LLGL2: variants seen among roughly 807,000 people sequenced by gnomAD.
LLGL2 encodes LLGL2, scribble cell polarity complex component.
LLGL2 carries 81 observed loss-of-function variants against 123.2 expected under a neutral mutation model. The observed-to-expected ratio is 0.66, with a 90% confidence interval of 0.55 to 0.79. LLGL2 has a LOEUF of 0.79. Among genes scored for constraint, LLGL2 ranks in the 30% least tolerant of loss-of-function variants. LLGL2 has a pLI of 0.00. For synonymous variants in LLGL2, 577 were observed against 594.1 expected (o/e 0.97, Z 0.42); for missense variants, 1,273 against 1,414.6 (o/e 0.90, Z 1.61).
chr17:75,571,299 T>C lies in LLGL2; in HGVS notation c.2176+199T>C, dbSNP rs1048428341. The C allele has an allele frequency of 8.3e-6, 5 of 601,220 alleles. No individual in the cohort carries two copies. The African/African-American group carries it at 9.3e-5, about 11-fold the overall frequency. The allele number at this position is 601,220 out of a possible 1,614,324, so 37.2% of individuals were successfully genotyped here. A position where few individuals can be genotyped will look rare whatever the true frequency, so the allele number is the denominator to read the frequency against. ...CCTCTGAGTCAGCTTCCCTTGGCTT[T>C]ATATCCAGGCCGTAGCACCCTTTAG... On this transcript the variant is annotated intron_variant, in intron 17 of 25. Coordinates refer to ENST00000392550, the MANE Select transcript of LLGL2 (RefSeq NM_001031803.2).
intron 10 of LLGL2, chr17:75,568,176 G>C: frequency 7.6e-7 from 1 of 1,307,700 alleles, no homozygotes; most frequent in Non-Finnish European, 9.7e-7. Context: ...CAGGGAAGAG[G>C]GTTGGCAGGC....
rs895896921 is a variant in LLGL2, at chr17:75,530,087, A to G, written c.-31+4262A>G. On this transcript the variant is annotated intron_variant, in intron 1 of 25. Transcript: ENST00000392550. The stretch of plus-strand genomic sequence containing the variant: ...AGGGTGGACTCAACTTCCATGAAGC[A>G]TAAGAGGCATCCGTCTGTCCCAGGC... Among the ~76,000 whole-genome samples, 5 of 152,336 alleles carry G rather than the reference A, an allele frequency of 3.3e-5. No homozygotes were observed. The East Asian group carries it at 5.8e-4, about 18-fold the overall frequency.
chr17:75,531,376 T>C (rs1473788739), intron 1 of LLGL2, among the ~76,000 whole-genome samples: 1 of 152,146 alleles, frequency 6.6e-6, no homozygotes, highest in Non-Finnish European at 1.5e-5. Flanking sequence ...TCCTGGTCTT[T>C]CCAGATGAGT....
intron 10 of LLGL2, among the ~76,000 whole-genome samples, chr17:75,566,497 A>C (rs966023950): frequency 3.3e-5 from 5 of 152,284 alleles, no homozygotes; most frequent in African/African-American, 1.2e-4. Flanking sequence ...GGGCTCACAG[A>C]CTGTTGCTAT....
intron 1 of LLGL2, among the ~76,000 whole-genome samples, chr17:75,535,109 C>T (rs574198217): frequency 3.3e-5 from 5 of 152,196 alleles, no homozygotes; most frequent in African/African-American, 7.2e-5. Context: ...ACTTGCAAAG[C>T]GGCTACAGGC....
At chr17:75,534,355 A>G (rs1028374641) in intron 1 of LLGL2, among the ~76,000 whole-genome samples, 1 of 152,062 alleles carries the variant, frequency 6.6e-6, no homozygotes, top group Non-Finnish European at 1.5e-5. Flanking sequence ...TGGTGGGGGG[A>G]ATGGAGGCTG....
In LLGL2 at chr17:75,559,936, T is replaced by A. The variant is rs1598600440; in HGVS notation, c.530+526T>A. ...ACATTAGAGAGGGAGTTGGATCAGG[T>A]CCGGGTGGGAGAAGGGGACGGGGCC... is the stretch of plus-strand genomic sequence containing the variant. On this transcript the variant is annotated intron_variant, in intron 6 of 25. Transcript: ENST00000392550. The surrounding 1 kb of genome is among the most constrained non-coding windows in gnomAD (Gnocchi z 4.6). 6.6e-6 allele frequency among the ~76,000 whole-genome samples: 1 copy of A among 152,160 alleles called. No homozygotes were observed. Among genetic ancestry groups the A allele is most frequent in the Admixed American group, 6.5e-5 (1 of 15,268 alleles).
rs761529667 is a variant in LLGL2 at position 75,573,197 on chromosome 17, A to G, written c.2644A>G (p.Lys882Glu). Residue 882 changes from lysine to glutamate, a missense_variant, in exon 20 of 26, where the codon AAG (lysine) becomes GAG (glutamate). Coordinates refer to ENST00000392550, the MANE Select transcript of LLGL2 (RefSeq NM_001031803.2). Reference protein sequence around the residue: ...DIQVVSLPLLKPQVRYSCIRR... With the variant: ...DIQVVSLPLLEPQVRYSCIRR... Reference sequence around the variant, plus strand: ...CCAGGTGGTCTCGCTGCCCCTGCTCAAGCCCCAGGTGCGCTACAGCTGCAT... The same window carrying G: ...CCAGGTGGTCTCGCTGCCCCTGCTCGAGCCCCAGGTGCGCTACAGCTGCAT... 8.1e-6 allele frequency: 13 copies of G among 1,612,746 alleles called. No homozygotes were observed. The highest frequency in any genetic ancestry group is 9.3e-6 in the Non-Finnish European group (11 of 1,179,814).
chr17:75,540,380 T>C (rs533447071), intron 1 of LLGL2, among the ~76,000 whole-genome samples: 1 of 152,258 alleles, frequency 6.6e-6, no homozygotes, highest in Non-Finnish European at 1.5e-5. Flanking sequence ...AGTGGGTTGA[T>C]TGGAGTGAGG....
intron 1 of LLGL2, among the ~76,000 whole-genome samples, chr17:75,537,421 C>T (rs1280742419): frequency 1.3e-5 from 2 of 152,068 alleles, no homozygotes; most frequent in Non-Finnish European, 2.9e-5. Context: ...AGGCTGGGTG[C>T]GGTGGCTCAC....
intron 2 of LLGL2, among the ~76,000 whole-genome samples, chr17:75,551,736 T>G (rs1278542661): frequency 6.6e-6 from 1 of 152,220 alleles, no homozygotes; most frequent in Non-Finnish European, 1.5e-5. Flanking sequence ...TGTGCGGAAT[T>G]GTCGAGGCCA....
chr17:75,570,215 G>C lies in LLGL2; in HGVS notation c.1834G>C (p.Gly612Arg), dbSNP rs1281601040. 6.3e-7 allele frequency: 1 copy of C among 1,599,958 alleles called. No individual in the cohort carries two copies. The highest frequency in any genetic ancestry group is 8.5e-7 in the Non-Finnish European group (1 of 1,174,800). ...GGCCTTCGGCACCAGCCATGGCTTTGGCCTCTTTGACCACCAGCAGCGGCG... is the reference window on the plus strand; with the variant it reads ...GGCCTTCGGCACCAGCCATGGCTTTCGCCTCTTTGACCACCAGCAGCGGCG... ...LVAFGTSHGF[G>R]LFDHQQRRQV... The change falls in exon 15 of 26, where the codon GGC becomes CGC. Residue 612 changes from glycine (G) to arginine (R), a missense_variant. Coordinates refer to ENST00000392550, the MANE Select transcript of LLGL2 (RefSeq NM_001031803.2).
At chr17:75,538,596 A>C (rs908060587) in intron 1 of LLGL2, 3 of 152,160 alleles carry the variant, frequency 2.0e-5, no homozygotes, top group Non-Finnish European at 4.4e-5. Flanking sequence ...AAAGGTCTTG[A>C]ATGGGAAAAA....
chr17:75,553,978 A>T (rs11651803), intron 2 of LLGL2, among the ~76,000 whole-genome samples: 1 of 151,946 alleles, frequency 6.6e-6, no homozygotes, highest in Non-Finnish European at 1.5e-5. Context: ...TAGGATATCT[A>T]CAGGTAAAGA....
In LLGL2 at chr17:75,574,211, A is replaced by G; in HGVS notation, c.2906-2A>G. ...CGCCCTGACCCGGCCTCTACCTTCC[A>G]GAGAAGCAGCCCGGCCTGGTGATGG... is the stretch of plus-strand genomic sequence containing the variant. On this transcript the variant is annotated splice_acceptor_variant, in intron 22 of 25. Coordinates refer to ENST00000392550, the MANE Select transcript of LLGL2 (RefSeq NM_001031803.2). LOFTEE classifies it high-confidence loss of function. The G allele has an allele frequency of 2.6e-6, 4 of 1,520,038 alleles. No individual in the cohort carries two copies. Among genetic ancestry groups the G allele is most frequent in the Middle Eastern group, 1.7e-4 (1 of 5,758 alleles). The allele number at this position is 1,520,038 out of a possible 1,614,324, so 94.2% of individuals were successfully genotyped here. A position where few individuals can be genotyped will look rare whatever the true frequency, so the allele number is the denominator to read the frequency against.
At chr17:75,560,526 C>G (rs1671031) in intron 6 of LLGL2, among the ~76,000 whole-genome samples, 74,111 of 151,822 alleles carry the variant, frequency 0.49, 21,823 homozygotes, top group African/African-American at 0.84. Flanking sequence ...CACTCTTGTT[C>G]CCCAGGCTAG....
Position 75,570,074 on chromosome 17 carries a change from G to C in LLGL2, c.1693G>C (p.Ala565Pro). 6.2e-7 allele frequency: 1 copy of C among 1,612,170 alleles called. No homozygotes were observed. The highest frequency in any genetic ancestry group is 8.5e-7 in the Non-Finnish European group (1 of 1,179,604). The part of the protein sequence containing the change: ...GYRWKGHERL[A>P]ARSGPVRFEP... ...CCGCTGGAAGGGGCACGAGCGCCTG[G>C]CAGCCCGCTCAGGGCCCGTGCGCTT... The change falls in exon 15 of 26, where the codon GCA becomes CCA. Residue 565 changes from alanine (A) to proline (P), a missense_variant. By Grantham distance (27) the Ala-to-Pro change is conservative. Transcript: ENST00000392550.
intron 1 of LLGL2, among the ~76,000 whole-genome samples, chr17:75,536,606 G>A (rs1206996775): frequency 6.6e-6 from 1 of 152,082 alleles, no homozygotes. Flanking sequence ...CCACCCTCCC[G>A]CCTGACCATG....
In LLGL2 at chr17:75,573,037, T is replaced by C. The variant is rs767502643; in HGVS notation, c.2484T>C (p.Ser828=). ...AGGTGTTCACGCTGCCCAAGGTGAGTGCCAAGCTGAAGTTGAAGCTGACGG... is the reference window on the plus strand; with the variant it reads ...AGGTGTTCACGCTGCCCAAGGTGAGCGCCAAGCTGAAGTTGAAGCTGACGG... ...QFKVFTLPKV[S]AKLKLKLTAL... is the part of the protein sequence containing the mutation. The change falls in exon 20 of 26, where the codon AGT becomes AGC. Residue 828 remains serine, a synonymous_variant. Transcript: ENST00000392550. The C allele has an allele frequency of 9.9e-6, 16 of 1,610,812 alleles. No individual in the cohort carries two copies. The highest frequency in any genetic ancestry group is 1.3e-5 in the Non-Finnish European group (15 of 1,178,332).
Sources: allele counts gnomAD v4.1 joint callset (sites outside exome capture counted in the v4.1 genomes callset), GRCh38; gene constraint gnomAD v4.1.1; non-coding constraint Gnocchi (gnomAD v3.1); transcripts MANE v1.5; gene names NCBI Gene and HGNC (gene_info 2026-07-23, HGNC 2026-07-21).